The following VPS13B variants were observed in gnomAD, a reference collection of about 807,000 sequenced individuals.
The protein encoded by VPS13B is intermembrane lipid transfer protein VPS13B.
A neutral mutation model predicts 426.4 loss-of-function variants in VPS13B; 285 were observed. That is an observed-to-expected ratio of 0.67 (90% CI 0.61 to 0.74). The LOEUF is 0.74. Ranked by LOEUF, VPS13B falls within the 30% of genes least tolerant of loss-of-function variation. VPS13B has a pLI of 0.00. For missense variants in VPS13B, 4,537 were observed against 4,782.6 expected, an observed-to-expected ratio of 0.95 and a Z score of 1.51; for synonymous variants, 1,676 against 1,676.4, an observed-to-expected ratio of 1.00 and a Z score of 0.01.
chr8:99,059,228 C>T (rs1247097803), intron 3 of VPS13B, among the ~76,000 whole-genome samples: 2 of 152,150 alleles, frequency 1.3e-5, no homozygotes, highest in Non-Finnish European at 1.5e-5. Context: ...CTTCTGCTTC[C>T]TGGGTTCAAG....
At chr8:99,140,366 C>G (rs1169144424) in intron 12 of VPS13B, among the ~76,000 whole-genome samples, 2 of 94,620 alleles carry the variant, frequency 2.1e-5, no homozygotes, top group African/African-American at 4.3e-5. Context: ...GAAGCTCTGT[C>G]TCAAAAAAAA....
chr8:99,134,864 C>A, intron 9 of VPS13B, 137 bp downstream of exon 9: 1 of 1,182,628 alleles, frequency 8.5e-7, no homozygotes. Context: ...AGTTTACTAT[C>A]TCATGGATAG....
At chr8:99,266,304 C>T (rs1818296570) in intron 17 of VPS13B, among the ~76,000 whole-genome samples, 1 of 151,694 alleles carries the variant, frequency 6.6e-6, no homozygotes, top group South Asian at 2.1e-4. Context: ...CCCAGCTACC[C>T]AGGAGGCTGA....
chr8:99,242,783 T>C (rs1817003787), intron 17 of VPS13B, among the ~76,000 whole-genome samples: 1 of 152,172 alleles, frequency 6.6e-6, no homozygotes. Flanking sequence ...GCTTTCCTAA[T>C]TATTATTTTT....
intron 19 of VPS13B, among the ~76,000 whole-genome samples, chr8:99,336,596 T>A (rs2133170385): frequency 1.3e-5 from 2 of 151,774 alleles, no homozygotes; most frequent in Middle Eastern, 3.4e-3. Context: ...TGGGAAAAAA[T>A]TTTCGCAAGC....
chr8:99,581,981 CT>C (rs1826085514), intron 33 of VPS13B, among the ~76,000 whole-genome samples: 1 of 151,844 alleles, frequency 6.6e-6, no homozygotes, highest in South Asian at 2.1e-4. Flanking sequence ...AGTTCCTTGC[CT>C]TTTACATGAG....
intron 3 of VPS13B, among the ~76,000 whole-genome samples, chr8:99,044,378 C>T (rs1051915951): frequency 1.1e-4 from 17 of 150,132 alleles, no homozygotes; most frequent in African/African-American, 1.7e-4. Flanking sequence ...CCACCGCGCC[C>T]GGCCTCTTTT....
chr8:99,559,605 A>G (rs1824784136), intron 31 of VPS13B, among the ~76,000 whole-genome samples: 1 of 152,150 alleles, frequency 6.6e-6, no homozygotes, highest in Admixed American at 6.5e-5. Context: ...GAAGGGATTG[A>G]GTTTCAGCTT....
chr8:99,796,436 A>G lies in VPS13B; in HGVS notation c.7941+11960A>G, dbSNP rs147069952. Among the ~76,000 whole-genome samples, 820 of 152,234 alleles carry G rather than the reference A, an allele frequency of 5.4e-3. 5 individuals carry two copies. Among genetic ancestry groups the G allele is most frequent in the African/African-American group, 0.019 (780 of 41,546 alleles). ...TAAATGGAAGAGAGTTAGGCACATTAATATAGAAGAAGAAAGAAATGCGAG... is the reference window on the plus strand; with the variant it reads ...TAAATGGAAGAGAGTTAGGCACATTGATATAGAAGAAGAAAGAAATGCGAG... On this transcript the variant is annotated intron_variant, in intron 43 of 61. Coordinates refer to ENST00000357162, the MANE Select transcript of VPS13B (RefSeq NM_152564.5).
intron 19 of VPS13B, among the ~76,000 whole-genome samples, chr8:99,360,243 C>T (rs55996780): frequency 2.4e-4 from 2 of 8,472 alleles, no homozygotes; most frequent in Admixed American, 5.7e-4. Flanking sequence ...TCTCTCTCTC[C>T]TTCCTTCCTT....
Position 99,821,338 on chromosome 8 carries a change from G to A in VPS13B, c.9039G>A (p.Val3013=), listed in dbSNP as rs542823658. ...IGIYWANTNT[V]HKSVAIKLVH... The stretch of plus-strand genomic sequence containing the variant: ...TATACTGGGCAAATACAAACACTGT[G>A]CACAAGTCAGTAGCAATTAAACTGG... Residue 3013 remains valine (V), a synonymous_variant, in exon 50 of 62, where the codon GTG becomes GTA. Transcript: ENST00000357162. 3.1e-5 allele frequency: 50 copies of A among 1,613,756 alleles called. No individual in the cohort carries two copies. The South Asian group carries it at 4.9e-4, about 16-fold the overall frequency.
intron 3 of VPS13B, among the ~76,000 whole-genome samples, chr8:99,080,655 T>C (rs1845395289): frequency 6.6e-6 from 1 of 152,252 alleles, no homozygotes; most frequent in Non-Finnish European, 1.5e-5. Flanking sequence ...TTACTTTATA[T>C]TTTGTGTTTG....
At chr8:99,061,135 G>GT (rs1421314158) in intron 3 of VPS13B, among the ~76,000 whole-genome samples, 1 of 151,984 alleles carries the variant, frequency 6.6e-6, no homozygotes, top group East Asian at 1.9e-4. Flanking sequence ...ATCTCAATGT[G>GT]TTATCTGGCA....
intron 14 of VPS13B, among the ~76,000 whole-genome samples, chr8:99,153,943 G>T (rs867402335): frequency 6.6e-6 from 1 of 151,124 alleles, no homozygotes; most frequent in Admixed American, 6.6e-5. Flanking sequence ...GGATAATTTC[G>T]TGGGGTATGG....
intron 3 of VPS13B, among the ~76,000 whole-genome samples, chr8:99,045,118 G>A (rs1017401682): frequency 2.6e-5 from 4 of 152,132 alleles, no homozygotes; most frequent in Admixed American, 1.3e-4. Flanking sequence ...AGTTCTTTAA[G>A]GAATCTCCAC....
Position 99,875,587 on chromosome 8 carries a change from T to G in VPS13B, c.11915T>G (p.Val3972Gly), listed in dbSNP as rs1185026360. The change falls in exon 62 of 62, where the codon GTT becomes GGT. Residue 3972 changes from valine to glycine, a missense_variant. Val to Gly is a moderately radical substitution (Grantham distance 109, BLOSUM62 -3). This residue lies in a region of VPS13B where 4,311 missense variants were observed against 4,474.3 expected (regional missense o/e 0.96). Transcript: ENST00000357162. Reference sequence around the variant, plus strand: ...ACTGTTAAAACATACCATTACCTGGTTGATCCACATTTTGCTCAGGTCTTC... The same window carrying G: ...ACTGTTAAAACATACCATTACCTGGGTGATCCACATTTTGCTCAGGTCTTC... ...PSTVKTYHYL[V>G]DPHFAQVFLS... 6.2e-7 allele frequency: 1 copy of G among 1,614,214 alleles called. No individual in the cohort carries two copies. The highest frequency in any genetic ancestry group is 1.1e-5 in the South Asian group (1 of 91,084).
intron 3 of VPS13B, among the ~76,000 whole-genome samples, chr8:99,055,044 G>GTTTT (rs397779213): frequency 1.1e-4 from 16 of 141,868 alleles, no homozygotes; most frequent in East Asian, 2.0e-4. Flanking sequence ...TTTTTTTTTT[G>GTTTT]TTTTTTTTTT....
chr8:99,697,608 GA>G, intron 35 of VPS13B: 2 of 647,780 alleles, frequency 3.1e-6, no homozygotes. Flanking sequence ...GGTAGGTGAA[GA>G]AAAATATGTG....
intron 19 of VPS13B, among the ~76,000 whole-genome samples, chr8:99,374,713 G>T (rs1268754496): frequency 6.6e-6 from 1 of 152,020 alleles, no homozygotes; most frequent in African/African-American, 2.4e-5. Context: ...TCTGGTCTTT[G>T]GCTTTTATTC....
Sources: allele counts gnomAD v4.1 joint callset (sites outside exome capture counted in the v4.1 genomes callset), GRCh38; gene constraint gnomAD v4.1.1; regional missense constraint gnomAD v4.1.1; transcripts MANE v1.5; gene names NCBI Gene and HGNC (gene_info 2026-07-23, HGNC 2026-07-21).